Variants in ODAD2 observed in about 807,000 individuals in gnomAD.
ODAD2 encodes outer dynein arm docking complex subunit 2, also known as outer dynein arm-docking complex subunit 2.
A neutral mutation model predicts 106.8 loss-of-function variants in ODAD2; 89 were observed. That is an observed-to-expected ratio of 0.83 (90% CI 0.70 to 0.99). The LOEUF is 0.99. Among genes scored for constraint, ODAD2 ranks in the 50% least tolerant of loss-of-function variants. ODAD2 has a pLI of 0.00. For synonymous variants in ODAD2, 404 were observed against 436.2 expected (o/e 0.93, Z 0.92); for missense variants, 1,168 against 1,238.5 (o/e 0.94, Z 0.85).
chr10:27,996,966 A>T (rs1291670263), intron 1 of ODAD2, among the ~76,000 whole-genome samples: 1 of 152,226 alleles, frequency 6.6e-6, no homozygotes, highest in Non-Finnish European at 1.5e-5. Flanking sequence ...CACACTATCA[A>T]TATTTAAAAC....
chr10:27,979,071 A>G (rs1325539219), intron 7 of ODAD2, among the ~76,000 whole-genome samples: 2 of 151,836 alleles, frequency 1.3e-5, no homozygotes, highest in Non-Finnish European at 2.9e-5. Context: ...TTCGCAGAGC[A>G]TGGTGGCAGA....
chr10:27,878,755 C>A (rs1463720498), intron 17 of ODAD2, among the ~76,000 whole-genome samples: 1 of 152,042 alleles, frequency 6.6e-6, no homozygotes, highest in Admixed American at 6.6e-5. Flanking sequence ...TTTAAAAATT[C>A]TCAATACAGC....
chr10:27,882,228 A>AGAAG (rs1841790390), intron 17 of ODAD2, among the ~76,000 whole-genome samples: 3 of 151,054 alleles, frequency 2.0e-5, no homozygotes, highest in Admixed American at 6.6e-5. Flanking sequence ...AAAGAAAGAA[A>AGAAG]GAAAGAAATA....
At chr10:27,844,583 T>C (rs1244888060) in intron 19 of ODAD2, among the ~76,000 whole-genome samples, 2 of 152,210 alleles carry the variant, frequency 1.3e-5, no homozygotes, top group South Asian at 2.1e-4. Context: ...CTGGGTGATT[T>C]GGGGCAAGTT....
intron 14 of ODAD2, among the ~76,000 whole-genome samples, chr10:27,937,875 A>T (rs566922576): frequency 6.6e-6 from 1 of 152,346 alleles, no homozygotes; most frequent in South Asian, 2.1e-4. Flanking sequence ...ATACAAATAT[A>T]TACAAGTCAG....
At chr10:27,924,351 C>T (rs1248949496) in intron 16 of ODAD2, among the ~76,000 whole-genome samples, 1 of 151,224 alleles carries the variant, frequency 6.6e-6, no homozygotes, top group African/African-American at 2.4e-5. Flanking sequence ...AATGAAAGTA[C>T]TATACATCAA....
intron 10 of ODAD2, 127 bp downstream of exon 10, chr10:27,961,441 A>G: frequency 1.0e-6 from 1 of 970,840 alleles, no homozygotes; most frequent in South Asian, 1.7e-5. Context: ...AAACTTAGAT[A>G]AAACAACAGG....
chr10:27,850,271 C>T (rs763178072), intron 19 of ODAD2, among the ~76,000 whole-genome samples: 10 of 151,292 alleles, frequency 6.6e-5, no homozygotes, highest in Non-Finnish European at 1.5e-4. Context: ...ATGGTGAAAC[C>T]CCCTCTCTAT....
At chr10:27,963,101 G>A (rs528605442) in intron 9 of ODAD2, among the ~76,000 whole-genome samples, 9 of 151,778 alleles carry the variant, frequency 5.9e-5, no homozygotes, top group East Asian at 1.9e-4. Context: ...TCCGCCTGCC[G>A]GGTTCATGTG....
chr10:27,893,069 G>A (rs1207347547), intron 17 of ODAD2, among the ~76,000 whole-genome samples: 2 of 151,998 alleles, frequency 1.3e-5, no homozygotes, highest in East Asian at 3.9e-4. Context: ...TGAGGCAGGA[G>A]AATCGCTTGA....
intron 10 of ODAD2, among the ~76,000 whole-genome samples, chr10:27,956,351 C>T (rs1330939270): frequency 1.3e-5 from 2 of 152,082 alleles, no homozygotes; most frequent in Non-Finnish European, 2.9e-5. Context: ...AGCTGGCATC[C>T]CACAGGGAGG....
chr10:27,836,827 T>C (rs1837928865), intron 19 of ODAD2, among the ~76,000 whole-genome samples: 1 of 152,212 alleles, frequency 6.6e-6, no homozygotes. Context: ...GTTAATTTCA[T>C]TGAATAATTA....
intron 19 of ODAD2, among the ~76,000 whole-genome samples, chr10:27,813,991 T>C (rs1835935016): frequency 6.6e-6 from 1 of 152,154 alleles, no homozygotes; most frequent in South Asian, 2.1e-4. Flanking sequence ...AATGGTAATC[T>C]CACATCATAC....
At chr10:27,845,039 A>G (rs555443987) in intron 19 of ODAD2, among the ~76,000 whole-genome samples, 21 of 152,314 alleles carry the variant, frequency 1.4e-4, no homozygotes, top group Admixed American at 1.4e-3. Flanking sequence ...GCAGGCCAAC[A>G]TTCAAATTCA....
At chr10:27,847,786 CAG>C (rs951397839) in intron 19 of ODAD2, among the ~76,000 whole-genome samples, 1 of 151,988 alleles carries the variant, frequency 6.6e-6, no homozygotes, top group East Asian at 1.9e-4. Context: ...AACAGACAAA[CAG>C]AGAGCCAAAT....
intron 2 of ODAD2, among the ~76,000 whole-genome samples, chr10:27,994,157 CACTG>C (rs1393384218): frequency 6.6e-6 from 1 of 151,902 alleles, no homozygotes; most frequent in Non-Finnish European, 1.5e-5. Flanking sequence ...ATTGAGAGTT[CACTG>C]TTTGAGACAG....
intron 19 of ODAD2, among the ~76,000 whole-genome samples, chr10:27,838,220 A>G (rs1306919075): frequency 1.3e-5 from 2 of 152,322 alleles, no homozygotes; most frequent in East Asian, 3.9e-4. Context: ...AGTGCCAAAA[A>G]CTACTTACTC....
chr10:27,979,490 T>G (rs1849412265), intron 7 of ODAD2, among the ~76,000 whole-genome samples: 1 of 151,108 alleles, frequency 6.6e-6, no homozygotes, highest in South Asian at 2.1e-4. Flanking sequence ...ATGAATTCAG[T>G]GAAGTTGCGA....
chr10:27,979,445 TACAC>T (rs35697488), intron 7 of ODAD2, among the ~76,000 whole-genome samples: 323 of 141,902 alleles, frequency 2.3e-3, no homozygotes, highest in African/African-American at 5.1e-3. Context: ...CACACACCCA[TACAC>T]ACACACACAC....
Sources: gnomAD v4.1 joint callset for allele counts (sites outside exome capture counted in the v4.1 genomes callset) on GRCh38, gnomAD v4.1.1 for gene constraint, MANE v1.5 for transcripts, NCBI Gene and HGNC (gene_info 2026-07-23, HGNC 2026-07-21) for gene names.